The following XKR6 variants were observed in gnomAD, a reference collection of about 807,000 sequenced individuals.
The protein encoded by XKR6 is XK-related protein 6.
In XKR6, 22 loss-of-function variants were observed where a neutral mutation model predicts 56.7. That is an observed-to-expected ratio of 0.39 (90% CI 0.28 to 0.55). XKR6 has a LOEUF of 0.55. Ranked by LOEUF, XKR6 falls within the 20% of genes least tolerant of loss-of-function variation. XKR6 has a pLI of 0.66. For missense variants in XKR6, 852 were observed against 889.0 expected (o/e 0.96, Z 0.53); for synonymous variants, 524 against 387.8 (o/e 1.35, Z -4.13).
intron 1 of XKR6, among the ~76,000 whole-genome samples, chr8:11,183,028 T>G (rs1429042039): frequency 6.6e-6 from 1 of 152,222 alleles, no homozygotes; most frequent in African/African-American, 2.4e-5. Context: ...TCATCCATGT[T>G]GCAGCATGTG....
At chr8:11,108,368 T>C (rs1305702803) in intron 1 of XKR6, 3 of 455,930 alleles carry the variant, frequency 6.6e-6, no homozygotes, top group African/African-American at 4.0e-5. Flanking sequence ...GAAGTACACA[T>C]GTTACGCTGT....
At chr8:11,180,878 G>C (rs1361676400) in intron 1 of XKR6, among the ~76,000 whole-genome samples, 1 of 152,202 alleles carries the variant, frequency 6.6e-6, no homozygotes, top group Non-Finnish European at 1.5e-5. Flanking sequence ...TTGCACTACA[G>C]CCTGAGCAAC....
intron 2 of XKR6, among the ~76,000 whole-genome samples, chr8:10,912,002 TATAG>T (rs1800389756): frequency 1.3e-5 from 2 of 148,740 alleles, no homozygotes; most frequent in South Asian, 2.1e-4. Flanking sequence ...TATATATATA[TATAG>T]AGAGAGAGAG....
chr8:10,937,941 TC>T (rs1308777579), intron 1 of XKR6, among the ~76,000 whole-genome samples: 3 of 151,318 alleles, frequency 2.0e-5, no homozygotes, highest in Non-Finnish European at 4.4e-5. Context: ...AGTTCGAGCT[TC>T]CCGGCTGCTT....
chr8:11,124,817 GC>G (rs1799677821), intron 1 of XKR6: 1 of 152,074 alleles, frequency 6.6e-6, no homozygotes, highest in Non-Finnish European at 1.5e-5. Flanking sequence ...TGGCGCAGGG[GC>G]TCACGCCTGT....
intron 1 of XKR6, among the ~76,000 whole-genome samples, chr8:11,173,694 A>G (rs775676274): frequency 3.9e-5 from 6 of 152,052 alleles, no homozygotes; most frequent in Non-Finnish European, 8.8e-5. Context: ...TGTGATTCCA[A>G]TTACACCTGG....
At chr8:11,051,139 G>C (rs1799534722) in intron 1 of XKR6, among the ~76,000 whole-genome samples, 1 of 152,070 alleles carries the variant, frequency 6.6e-6, no homozygotes, top group Admixed American at 6.6e-5. Flanking sequence ...CCTTGTTGTA[G>C]CATTTAATTC....
chr8:11,075,869 T>TC (rs1008472076), intron 1 of XKR6, among the ~76,000 whole-genome samples: 16 of 151,700 alleles, frequency 1.1e-4, no homozygotes, highest in African/African-American at 3.4e-4. Flanking sequence ...CGAGACTCTG[T>TC]CCCCCCGACC....
intron 1 of XKR6, among the ~76,000 whole-genome samples, chr8:11,031,656 T>C (rs1798996169): frequency 6.6e-6 from 1 of 152,148 alleles, no homozygotes; most frequent in South Asian, 2.1e-4. Flanking sequence ...ATGGGTTTCA[T>C]GCAGATTTCA....
chr8:11,182,031 C>G (rs947345902), intron 1 of XKR6, among the ~76,000 whole-genome samples: 1 of 152,196 alleles, frequency 6.6e-6, no homozygotes, highest in African/African-American at 2.4e-5. Context: ...GCGATCCGCT[C>G]GCTTCCCAAA....
intron 1 of XKR6, among the ~76,000 whole-genome samples, chr8:10,981,416 G>T (rs908903378): frequency 6.6e-6 from 1 of 152,204 alleles, no homozygotes; most frequent in African/African-American, 2.4e-5. Flanking sequence ...AGTCAACAAG[G>T]CTTGGTGATG....
At chr8:11,147,490 T>C (rs1263729177) in intron 1 of XKR6, among the ~76,000 whole-genome samples, 2 of 151,804 alleles carry the variant, frequency 1.3e-5, no homozygotes, top group Non-Finnish European at 2.9e-5. Context: ...ACCCCATCTC[T>C]ACTAAAAATA....
chr8:10,965,775 G>C (rs1207916215), intron 1 of XKR6, among the ~76,000 whole-genome samples: 2 of 152,366 alleles, frequency 1.3e-5, no homozygotes, highest in East Asian at 3.9e-4. Flanking sequence ...ACGAAAGTGA[G>C]AACGATTGAA....
chr8:11,028,540 T>C (rs1282240626), intron 1 of XKR6, among the ~76,000 whole-genome samples: 3 of 152,210 alleles, frequency 2.0e-5, no homozygotes, highest in Admixed American at 6.5e-5. Flanking sequence ...CTATTTTGAG[T>C]TCCCACCAGC....
chr8:10,949,209 C>T (rs1801643155), intron 1 of XKR6, among the ~76,000 whole-genome samples: 1 of 152,362 alleles, frequency 6.6e-6, no homozygotes, highest in East Asian at 1.9e-4. Context: ...CGCTTCCAGC[C>T]TCTCCCTCCA....
intron 1 of XKR6, among the ~76,000 whole-genome samples, chr8:11,074,953 T>C (rs1800232375): frequency 6.6e-6 from 1 of 152,160 alleles, no homozygotes; most frequent in South Asian, 2.1e-4. Context: ...AACTCTGCAG[T>C]GTCCCCATGG....
chr8:11,087,760 A>G (rs1467270292), intron 1 of XKR6, among the ~76,000 whole-genome samples: 1 of 152,226 alleles, frequency 6.6e-6, no homozygotes, highest in African/African-American at 2.4e-5. Context: ...AGCCCAACCC[A>G]TTCTTCAGTT....
chr8:11,115,184 C>G (rs1799114672), intron 1 of XKR6, among the ~76,000 whole-genome samples: 1 of 152,186 alleles, frequency 6.6e-6, no homozygotes, highest in Non-Finnish European at 1.5e-5. Flanking sequence ...CTGTTGCTGT[C>G]AATGACCTCA....
intron 1 of XKR6, among the ~76,000 whole-genome samples, chr8:11,129,463 T>C (rs1011612900): frequency 1.4e-4 from 22 of 152,172 alleles, no homozygotes; most frequent in African/African-American, 5.3e-4. Flanking sequence ...TGGCTTTAAA[T>C]GTTATCAAAC....
Sources: allele counts gnomAD v4.1 joint callset (sites outside exome capture counted in the v4.1 genomes callset), GRCh38; gene constraint gnomAD v4.1.1; transcripts MANE v1.5; gene names NCBI Gene and HGNC (gene_info 2026-07-23, HGNC 2026-07-21).